The following RBM20 variants were observed in gnomAD, a reference collection of about 807,000 sequenced individuals.
The protein encoded by RBM20 is RNA-binding protein 20.
A neutral mutation model predicts 110.1 loss-of-function variants in RBM20; 51 were observed. The observed-to-expected ratio is 0.46, with a 90% CI of 0.37 to 0.59. RBM20 has a LOEUF of 0.59. RBM20 is among the 20% of genes least tolerant of loss of function. RBM20 has a pLI of 0.00. For missense variants in RBM20, 1,512 were observed against 1,574.9 expected (o/e 0.96, Z 0.68); for synonymous variants, 589 against 618.2 (o/e 0.95, Z 0.70).
chr10:110,667,069 G>A (rs905880914), intron 1 of RBM20, among the ~76,000 whole-genome samples: 3 of 152,160 alleles, frequency 2.0e-5, no homozygotes, highest in African/African-American at 7.2e-5. Flanking sequence ...GGATGTGTGT[G>A]GTCTTACTGT....
chr10:110,725,451 A>G (rs1353368925), intron 1 of RBM20, among the ~76,000 whole-genome samples: 1 of 152,188 alleles, frequency 6.6e-6, no homozygotes, highest in African/African-American at 2.4e-5. Flanking sequence ...TAGGAATCCT[A>G]TGTTTCTCAG....
At position 110,802,982 on chromosome 10, in the gene RBM20, A is replaced by T. The variant is rs561247208; in HGVS notation, c.1800+3064A>T. 3.0e-4 allele frequency among the ~76,000 whole-genome samples: 45 copies of T among 152,134 alleles called. 1 individual carries two copies. The highest frequency in any genetic ancestry group is 2.7e-3 in the Admixed American group (42 of 15,286). On this transcript the variant is annotated intron_variant, in intron 7 of 13. Transcript: ENST00000369519. ...TACTTTGAGTTATTTGGCTTTAAGT[A>T]TTTTTTTTCATACATTATCTTTTCA...
Position 110,768,250 on chromosome 10 carries a change from G to GGAGAGA in RBM20, c.192-12546_192-12545insAGAGAG, listed in dbSNP as rs1844137459. ...AGGGGAGAGGGAGAGGGAGGGAAAG[G>GGAGAGA]GAGAGGGAGAGGGAGAGGGAGAACT... On this transcript the variant is annotated intron_variant, in intron 1 of 13. Transcript: ENST00000369519. 2.6e-5 allele frequency among the ~76,000 whole-genome samples: 4 copies of GGAGAGA among 151,134 alleles called. No individual in the cohort carries two copies. In the South Asian group the frequency reaches 8.4e-4, roughly 32 times the overall value.
intron 1 of RBM20, among the ~76,000 whole-genome samples, chr10:110,778,969 A>AT (rs931325612): frequency 3.9e-5 from 6 of 152,236 alleles, no homozygotes; most frequent in African/African-American, 1.4e-4. Context: ...TCAAATTCAG[A>AT]TTTTTTTACT....
intron 1 of RBM20, among the ~76,000 whole-genome samples, chr10:110,751,347 T>G (rs528973652): frequency 6.6e-6 from 1 of 152,344 alleles, no homozygotes; most frequent in East Asian, 1.9e-4. Context: ...CCATGTTTAT[T>G]CATCTCCACA....
rs549519029 is a variant in RBM20 at position 110,678,974 on chromosome 10, T to A, written c.191+34329T>A. The stretch of plus-strand genomic sequence containing the variant: ...GAGATAAAGAGGCTCTGCAGTGGTT[T>A]AATATGCAGGTTCTCGGTTCAAATC... On this transcript the variant is annotated intron_variant, in intron 1 of 13. Transcript: ENST00000369519. Among the ~76,000 whole-genome samples, 9 of 152,314 alleles carry A rather than the reference T, an allele frequency of 5.9e-5. No individual in the cohort carries two copies. The South Asian group carries it at 1.5e-3, about 25-fold the overall frequency.
At chr10:110,813,568 C>T (rs531833889) in intron 9 of RBM20, among the ~76,000 whole-genome samples, 1 of 152,290 alleles carries the variant, frequency 6.6e-6, no homozygotes, top group East Asian at 1.9e-4. Context: ...GGCACAGTGG[C>T]TCATGCCTGT....
chr10:110,716,661 C>G (rs895139491), intron 1 of RBM20, among the ~76,000 whole-genome samples: 12 of 152,006 alleles, frequency 7.9e-5, no homozygotes, highest in Admixed American at 7.9e-4. Flanking sequence ...TGCCTGTAAT[C>G]CCAGCACTTT....
intron 9 of RBM20, among the ~76,000 whole-genome samples, chr10:110,817,428 T>C (rs925433853): frequency 6.6e-6 from 1 of 152,154 alleles, no homozygotes; most frequent in Non-Finnish European, 1.5e-5. Context: ...CTTCAGAGCC[T>C]AGACAAGACC....
intron 1 of RBM20, among the ~76,000 whole-genome samples, chr10:110,667,212 G>A (rs576065220): frequency 6.6e-6 from 1 of 152,218 alleles, no homozygotes; most frequent in Non-Finnish European, 1.5e-5. Flanking sequence ...GAAGACTGCA[G>A]TGCATTCACC....
chr10:110,728,620 T>A (rs1843588757), intron 1 of RBM20, among the ~76,000 whole-genome samples: 1 of 152,116 alleles, frequency 6.6e-6, no homozygotes, highest in Non-Finnish European at 1.5e-5. Context: ...CTACTTGAAG[T>A]TATTATCAGG....
chr10:110,736,272 T>C (rs1843669085), intron 1 of RBM20, among the ~76,000 whole-genome samples: 1 of 152,248 alleles, frequency 6.6e-6, no homozygotes, highest in African/African-American at 2.4e-5. Flanking sequence ...CACATTTACT[T>C]CTCTACAAAT....
chr10:110,646,817 G>T (rs1347827724), intron 1 of RBM20, among the ~76,000 whole-genome samples: 2 of 152,222 alleles, frequency 1.3e-5, no homozygotes, highest in Non-Finnish European at 2.9e-5. Context: ...AGAAAATATA[G>T]TGGAGCTACT....
At chr10:110,685,177 G>T (rs1862484792) in intron 1 of RBM20, among the ~76,000 whole-genome samples, 1 of 152,214 alleles carries the variant, frequency 6.6e-6, no homozygotes, top group African/African-American at 2.4e-5. Flanking sequence ...CGCATTCCTT[G>T]TCATCTTGTC....
rs1002518996 is a variant in RBM20 at position 110,665,740 on chromosome 10, T to G, written c.191+21095T>G. ...TAAAGAATTATTTATTCATGTATTA[T>G]TTATTTGATTATGTGAACATTAAAA... On this transcript the variant is annotated intron_variant, in intron 1 of 13. Coordinates refer to ENST00000369519, the MANE Select transcript of RBM20 (RefSeq NM_001134363.3). 1.3e-5 allele frequency among the ~76,000 whole-genome samples: 2 copies of G among 152,302 alleles called. 1 individual carries two copies. The highest frequency in any genetic ancestry group is 4.1e-4 in the South Asian group (2 of 4,822).
intron 1 of RBM20, among the ~76,000 whole-genome samples, chr10:110,659,807 CCTTCCTCTT>C (rs1393580879): frequency 7.2e-6 from 1 of 139,390 alleles, no homozygotes; most frequent in Non-Finnish European, 1.6e-5. Context: ...TTCCCCTTCC[CCTTCCTCTT>C]CTTCCTCTTC....
At chr10:110,743,719 G>A (rs919997340) in intron 1 of RBM20, among the ~76,000 whole-genome samples, 1 of 152,166 alleles carries the variant, frequency 6.6e-6, no homozygotes, top group Admixed American at 6.5e-5. Flanking sequence ...CAGTTCAAGC[G>A]ATTCTCATGC....
intron 1 of RBM20, among the ~76,000 whole-genome samples, chr10:110,752,946 T>TA (rs372172985): frequency 0.13 from 7,685 of 60,918 alleles, 199 homozygotes; most frequent in East Asian, 0.18. Flanking sequence ...TATATATATA[T>TA]TTTTTTTTTT....
chr10:110,741,016 T>C (rs1322257053), intron 1 of RBM20, among the ~76,000 whole-genome samples: 1 of 152,172 alleles, frequency 6.6e-6, no homozygotes, highest in Non-Finnish European at 1.5e-5. Flanking sequence ...TGGGTGGCAT[T>C]CACCTGGGCT....
Sources: gnomAD v4.1 joint callset for allele counts (sites outside exome capture counted in the v4.1 genomes callset) on GRCh38, gnomAD v4.1.1 for gene constraint, MANE v1.5 for transcripts, NCBI Gene and HGNC (gene_info 2026-07-23, HGNC 2026-07-21) for gene names.